Variants in ZNF365 observed in about 807,000 individuals in gnomAD.
The protein encoded by ZNF365 is protein ZNF365.
ZNF365 carries 22 observed loss-of-function variants against 35.0 expected under a neutral mutation model. The ratio of observed to expected loss-of-function variants is 0.63; its 90% CI spans 0.45 to 0.90. The LOEUF (loss-of-function observed/expected upper bound fraction) is 0.90. ZNF365 is among the 40% of genes least tolerant of loss of function. The pLI is 0.00. For synonymous variants in ZNF365, 188 were observed against 196.2 expected, an observed-to-expected ratio of 0.96 and a Z score of 0.35; for missense variants, 448 against 500.3, an observed-to-expected ratio of 0.90 and a Z score of 1.00.
intron 3 of ZNF365, among the ~76,000 whole-genome samples, chr10:62,451,456 G>A (rs1840683213): frequency 6.6e-6 from 1 of 152,122 alleles, no homozygotes; most frequent in Non-Finnish European, 1.5e-5. Context: ...TGTGGAGGGT[G>A]AGGGTTAGGG....
Position 62,402,423 on chromosome 10 carries a change from A to T in ZNF365, c.*2634A>T. ...AGAAGTTTTTAGATTATGAAATATT[A>T]TGATAATAAAGCTATATTTCTGACT... On this transcript the variant is annotated 3_prime_UTR_variant, in exon 5 of 5. Transcript: ENST00000395254. 1 of 984,994 alleles carries T rather than the reference A, an allele frequency of 1.0e-6. No homozygotes were observed. Among genetic ancestry groups the T allele is most frequent in the Non-Finnish European group, 1.2e-6 (1 of 829,412 alleles). 61.0% of individuals were successfully genotyped at this position (984,994 alleles called of 1,614,324 possible). A position where few individuals can be genotyped will look rare whatever the true frequency, so the allele number is the denominator to read the frequency against.
intron 2 of ZNF365, among the ~76,000 whole-genome samples, chr10:62,377,317 A>G (rs973045105): frequency 2.0e-4 from 31 of 152,238 alleles, no homozygotes; most frequent in African/African-American, 7.5e-4. Flanking sequence ...CATTCTTGAC[A>G]GTCTCCGTAT....
At chr10:62,380,873 T>C (rs1427553164) in intron 2 of ZNF365, among the ~76,000 whole-genome samples, 1 of 152,208 alleles carries the variant, frequency 6.6e-6, no homozygotes, top group Non-Finnish European at 1.5e-5. Flanking sequence ...CTGTGGGGTC[T>C]GGAAAATTTG....
At chr10:62,479,774 G>A (rs1367809264) in intron 4 of ZNF365, 1 of 805,626 alleles carries the variant, frequency 1.2e-6, no homozygotes, top group Admixed American at 1.9e-5. Context: ...ACAATTGTTT[G>A]CCAGGACCCA....
intron 4 of ZNF365, among the ~76,000 whole-genome samples, chr10:62,399,081 A>T (rs528356909): frequency 6.6e-6 from 1 of 152,316 alleles, no homozygotes; most frequent in Non-Finnish European, 1.5e-5. Flanking sequence ...ACTCTATAGT[A>T]CTATTAATGT....
At chr10:62,432,548 A>G (rs1840349969) in intron 3 of ZNF365, among the ~76,000 whole-genome samples, 2 of 152,298 alleles carry the variant, frequency 1.3e-5, no homozygotes, top group Non-Finnish European at 1.5e-5. Context: ...TGGATTGACC[A>G]TTGACATTTC....
rs904842331 is a variant in ZNF365 at position 62,423,483 on chromosome 10, C to T, written c.924+34907C>T. ...CTGATAACCAGGAATGATTTGGGTA[C>T]ATTCAATCATTCCAGTTTTTTCAGA... On this transcript the variant is annotated intron_variant, in intron 3 of 4. Transcript: ENST00000395255. 6.6e-5 allele frequency among the ~76,000 whole-genome samples: 10 copies of T among 152,188 alleles called. No homozygotes were observed. The East Asian group carries it at 1.5e-3, about 24-fold the overall frequency.
chr10:62,453,786 T>C (rs753399371), intron 3 of ZNF365, among the ~76,000 whole-genome samples: 14 of 152,334 alleles, frequency 9.2e-5, no homozygotes, highest in Admixed American at 5.9e-4. Context: ...GCCATAAAGA[T>C]GTTCATTTCA....
At chr10:62,391,366 T>C (rs767740786) in intron 3 of ZNF365, among the ~76,000 whole-genome samples, 1 of 152,144 alleles carries the variant, frequency 6.6e-6, no homozygotes, top group Non-Finnish European at 1.5e-5. Context: ...TTGTAGTCTT[T>C]TATCTCTCAC....
intron 3 of ZNF365, among the ~76,000 whole-genome samples, chr10:62,434,450 A>G (rs2132459127): frequency 6.6e-6 from 1 of 152,276 alleles, no homozygotes; most frequent in Middle Eastern, 3.4e-3. Flanking sequence ...TCCCTGCTCT[A>G]AATTGATACT....
At chr10:62,474,655 A>G (rs1366861003) in intron 4 of ZNF365, among the ~76,000 whole-genome samples, 3 of 152,126 alleles carry the variant, frequency 2.0e-5, no homozygotes, top group African/African-American at 7.2e-5. Context: ...TGATTCTCCA[A>G]TCTCATTGTC....
chr10:62,429,070 G>A (rs997748813), intron 3 of ZNF365, among the ~76,000 whole-genome samples: 5 of 151,980 alleles, frequency 3.3e-5, no homozygotes, highest in Non-Finnish European at 5.9e-5. Flanking sequence ...TTGTGCCTTT[G>A]GCCTCTATCT....
At chr10:62,463,217 C>T (rs537010534) in intron 4 of ZNF365, among the ~76,000 whole-genome samples, 3 of 152,332 alleles carry the variant, frequency 2.0e-5, no homozygotes, top group South Asian at 2.1e-4. Flanking sequence ...GGCAGGCAGC[C>T]GCCTACTTCC....
intron 3 of ZNF365, among the ~76,000 whole-genome samples, chr10:62,431,403 C>T (rs959132254): frequency 2.0e-5 from 3 of 152,264 alleles, no homozygotes; most frequent in African/African-American, 4.8e-5. Context: ...GTTCTTGTTT[C>T]GCTTCATATC....
rs768496464 is a variant in ZNF365 at position 62,399,660 on chromosome 10, A to G, written c.1095A>G (p.Glu365=). The change falls in exon 5 of 5, where the codon GAA becomes GAG. Residue 365 remains glutamate (E), a synonymous_variant. Transcript: ENST00000395254. ...ASMQPAKAIH[E]QAESSRDLCR... ...TGCAGCCTGCCAAGGCCATTCACGA[A>G]CAGGCTGAGTCCTCAAGAGACCTCT... The G allele has an allele frequency of 6.2e-7, 1 of 1,614,148 alleles. No individual in the cohort carries two copies. The highest frequency in any genetic ancestry group is 8.5e-7 in the Non-Finnish European group (1 of 1,180,038).
intron 3 of ZNF365, 145 bp from the exon 4 acceptor site, chr10:62,398,595 G>T (rs572162677): frequency 2.9e-6 from 2 of 679,502 alleles, no homozygotes; most frequent in Non-Finnish European, 5.1e-6. Flanking sequence ...CTGATGCAAT[G>T]GATGGTGCTG....
At chr10:62,427,032 T>C (rs560474931) in intron 3 of ZNF365, among the ~76,000 whole-genome samples, 177 of 152,300 alleles carry the variant, frequency 1.2e-3, no homozygotes, top group African/African-American at 4.0e-3. Flanking sequence ...TCCCATAAGG[T>C]TATAATGGAG....
intron 2 of ZNF365, among the ~76,000 whole-genome samples, chr10:62,383,792 A>G (rs757561863): frequency 5.9e-5 from 9 of 152,250 alleles, no homozygotes; most frequent in Non-Finnish European, 1.0e-4. Flanking sequence ...TCTGTAAAAA[A>G]TGAAATAATA....
In ZNF365 at chr10:62,442,885, G is replaced by A. The variant is rs1286878342; in HGVS notation, c.925-16856G>A. ...CCAGGAATGAGGACGGACTTGCCCTGATAACTTCCTTACCCTCCACTCCTG... is the reference window on the plus strand; with the variant it reads ...CCAGGAATGAGGACGGACTTGCCCTAATAACTTCCTTACCCTCCACTCCTG... On this transcript the variant is annotated intron_variant, in intron 3 of 4. Transcript: ENST00000395255. Among the ~76,000 whole-genome samples, 3 of 152,274 alleles carry A rather than the reference G, an allele frequency of 2.0e-5. No individual in the cohort carries two copies. The East Asian group carries it at 5.8e-4, about 29-fold the overall frequency.
Sources: gnomAD v4.1 joint callset for allele counts (sites outside exome capture counted in the v4.1 genomes callset) on GRCh38, gnomAD v4.1.1 for gene constraint, MANE v1.5 for transcripts, NCBI Gene and HGNC (gene_info 2026-07-23, HGNC 2026-07-21) for gene names.